Variants in FOXP2 observed in about 807,000 individuals in gnomAD.
FOXP2 encodes forkhead box protein P2.
In FOXP2, 12 loss-of-function variants were observed where a neutral mutation model predicts 115.8. That is an observed-to-expected ratio of 0.10 (90% CI 0.07 to 0.17). The LOEUF (loss-of-function observed/expected upper bound fraction) is 0.17. Ranked by LOEUF, FOXP2 falls within the 10% of genes least tolerant of loss-of-function variation. FOXP2 has a pLI of 1.00. For synonymous variants in FOXP2, 328 were observed against 297.7 expected (o/e 1.10, Z -1.05); for missense variants, 629 against 843.5 (o/e 0.75, Z 3.15).
intron 1 of FOXP2, among the ~76,000 whole-genome samples, chr7:114,244,691 T>A (rs1175553252): frequency 6.6e-6 from 1 of 152,228 alleles, no homozygotes; most frequent in East Asian, 1.9e-4. Flanking sequence ...AGTACTGATA[T>A]ACTAATACTG....
chr7:114,327,649 GCAC>G (rs895915646), intron 2 of FOXP2, among the ~76,000 whole-genome samples: 1 of 151,544 alleles, frequency 6.6e-6, no homozygotes, highest in African/African-American at 2.4e-5. Flanking sequence ...CTAGAGGCAT[GCAC>G]CACCATGCCC....
chr7:114,403,807 C>T (rs1287496957), intron 2 of FOXP2, among the ~76,000 whole-genome samples: 1 of 152,122 alleles, frequency 6.6e-6, no homozygotes, highest in Non-Finnish European at 1.5e-5. Flanking sequence ...TCTAAAGCCC[C>T]TTATTTTAAT....
chr7:114,628,883 A>G (rs1447048388), intron 4 of FOXP2: 2 of 589,068 alleles, frequency 3.4e-6, no homozygotes, highest in African/African-American at 3.7e-5. Flanking sequence ...ATTAAAGTCT[A>G]GAATAAGAGC....
chr7:114,677,214 T>A (rs1807828096), intron 16 of FOXP2, among the ~76,000 whole-genome samples: 1 of 151,056 alleles, frequency 6.6e-6, no homozygotes, highest in South Asian at 2.1e-4. Context: ...AGACTTAAAA[T>A]CTTTATTGTT....
intron 1 of FOXP2, among the ~76,000 whole-genome samples, chr7:114,266,123 T>G (rs1464279420): frequency 1.3e-5 from 2 of 151,970 alleles, no homozygotes; most frequent in Non-Finnish European, 1.5e-5. Context: ...ACTGTCCATA[T>G]CACTATTAGC....
intron 16 of FOXP2, among the ~76,000 whole-genome samples, chr7:114,685,235 G>C (rs993473980): frequency 1.3e-5 from 2 of 151,978 alleles, no homozygotes; most frequent in Non-Finnish European, 2.9e-5. Flanking sequence ...TATTTATCAC[G>C]TTAAATAGTA....
intron 1 of FOXP2, among the ~76,000 whole-genome samples, chr7:114,088,928 CT>C (rs1264538734): frequency 1.3e-5 from 2 of 152,050 alleles, no homozygotes; most frequent in African/African-American, 2.4e-5. Flanking sequence ...AGTTTTAGAG[CT>C]TTTTTAACTT....
chr7:114,452,176 T>A (rs1237469256), intron 2 of FOXP2, among the ~76,000 whole-genome samples: 1 of 152,018 alleles, frequency 6.6e-6, no homozygotes, highest in East Asian at 1.9e-4. Context: ...CTTTGTGATA[T>A]GTTCTTACTT....
At chr7:114,275,122 T>G (rs1450848959) in intron 1 of FOXP2, among the ~76,000 whole-genome samples, 1 of 152,070 alleles carries the variant, frequency 6.6e-6, no homozygotes, top group Non-Finnish European at 1.5e-5. Context: ...AGTTTGAGAA[T>G]TATAAACTTA....
chr7:114,582,962 C>CT (rs2129302620), intron 3 of FOXP2, among the ~76,000 whole-genome samples: 1 of 152,208 alleles, frequency 6.6e-6, no homozygotes, highest in East Asian at 1.9e-4. Flanking sequence ...ATACAAAAAC[C>CT]TATTTTCTTG....
At chr7:114,629,519 A>G in intron 4 of FOXP2, 2 of 1,284,466 alleles carry the variant, frequency 1.6e-6, no homozygotes, top group Middle Eastern at 1.9e-4. Context: ...GTAGGACTTC[A>G]GATGTAATAA....
intron 4 of FOXP2, 66 bp downstream of exon 4, chr7:114,628,743 G>A (rs1804730845): frequency 1.3e-6 from 2 of 1,596,420 alleles, no homozygotes; most frequent in Non-Finnish European, 1.7e-6. Flanking sequence ...TTTTGAAAGT[G>A]CAGTGGGCAT....
chr7:114,394,393 A>G (rs1792688101), intron 2 of FOXP2, among the ~76,000 whole-genome samples: 1 of 148,258 alleles, frequency 6.7e-6, no homozygotes, highest in Admixed American at 6.7e-5. Context: ...ATATGAATCT[A>G]TACACACACA....
chr7:114,281,390 C>T (rs1360355640), intron 1 of FOXP2, among the ~76,000 whole-genome samples: 2 of 152,022 alleles, frequency 1.3e-5, no homozygotes, highest in East Asian at 3.9e-4. Context: ...CATGAGCCAC[C>T]GTGCCTGGCC....
intron 2 of FOXP2, among the ~76,000 whole-genome samples, chr7:114,439,085 C>G (rs1360552824): frequency 6.6e-6 from 1 of 152,028 alleles, no homozygotes; most frequent in East Asian, 1.9e-4. Flanking sequence ...TAGTTTATTA[C>G]TTATGTGTGA....
At position 114,148,421 on chromosome 7, in the gene FOXP2, T is replaced by C. The variant is rs113653236; in HGVS notation, c.-246-14523T>C. On this transcript the variant is annotated intron_variant, in intron 1 of 19. Transcript: ENST00000635638. ...CCAACGTTTGGCTGTTCTCTTTTGT[T>C]CTTTGTAGGCAACGTTCACTTATCC... Among the ~76,000 whole-genome samples, 1,467 of 152,276 alleles carry C rather than the reference T, an allele frequency of 9.6e-3. 32 individuals carry two copies. The highest frequency in any genetic ancestry group is 0.034 in the African/African-American group (1,395 of 41,542).
intron 3 of FOXP2, among the ~76,000 whole-genome samples, chr7:114,621,889 A>G (rs1804275784): frequency 6.6e-6 from 1 of 152,050 alleles, no homozygotes; most frequent in Non-Finnish European, 1.5e-5. Context: ...CAAGACCTAA[A>G]CATAATGTAC....
chr7:114,633,382 T>C (rs1805026086), intron 6 of FOXP2, among the ~76,000 whole-genome samples: 1 of 152,208 alleles, frequency 6.6e-6, no homozygotes, highest in Admixed American at 6.5e-5. Flanking sequence ...TTCTTCTGTT[T>C]TTATCCTTGA....
chr7:114,679,151 G>A (rs1211830633), intron 16 of FOXP2, among the ~76,000 whole-genome samples: 1 of 152,120 alleles, frequency 6.6e-6, no homozygotes, highest in Non-Finnish European at 1.5e-5. Context: ...TTTTAGCAGA[G>A]ATGGGGTTTC....
Sources: gnomAD v4.1 joint callset for allele counts (sites outside exome capture counted in the v4.1 genomes callset) on GRCh38, gnomAD v4.1.1 for gene constraint, MANE v1.5 for transcripts, NCBI Gene and HGNC (gene_info 2026-07-23, HGNC 2026-07-21) for gene names.